Variants in SSX2IP observed in about 807,000 individuals in gnomAD.
The protein encoded by SSX2IP is afadin- and alpha-actinin-binding protein.
SSX2IP carries 55 observed loss-of-function variants against 84.9 expected under a neutral mutation model. That is an observed-to-expected ratio of 0.65 (90% CI 0.52 to 0.81). The LOEUF is 0.81. SSX2IP is among the 30% of genes least tolerant of loss of function. SSX2IP has a pLI of 0.00. For missense variants in SSX2IP, 664 were observed against 705.2 expected (o/e 0.94, Z 0.66); for synonymous variants, 239 against 234.7 (o/e 1.02, Z -0.17).
intron 5 of SSX2IP, among the ~76,000 whole-genome samples, chr1:84,665,126 C>G (rs780665454): frequency 6.6e-6 from 1 of 152,160 alleles, no homozygotes; most frequent in Non-Finnish European, 1.5e-5. Context: ...TCAGGCAACT[C>G]CTGACAGAGT....
In SSX2IP at chr1:84,658,331, C is replaced by T. The variant is rs1651427860; in HGVS notation, c.1065G>A (p.Lys355=). Residue 355 remains lysine (K), a synonymous_variant, in exon 9 of 14, where the codon AAG becomes AAA. Coordinates refer to ENST00000342203, the MANE Select transcript of SSX2IP (RefSeq NM_001166293.2). ...QWRILKSHVE[K]LDNQVSKVHL... ...AGCAGTGGTTACCTTGGTTATCAAG[C>T]TTTTCTACATGACTTTTCAAAATTC... The T allele has an allele frequency of 6.2e-7, 1 of 1,613,914 alleles. No individual in the cohort carries two copies. Among genetic ancestry groups the T allele is most frequent in the East Asian group, 2.2e-5 (1 of 44,876 alleles).
rs745981359 is a variant in SSX2IP, at chr1:84,656,488, A to G, written c.1079-4T>C. On this transcript the variant is annotated splice_region_variant and splice_polypyrimidine_tract_variant and intron_variant, in intron 9 of 13. Transcript: ENST00000342203. ...CCTTCCAGGTGTACCTTTGAAACTA[A>G]GACAAAATCAGTAAGTTGACATAGG... 2 of 1,609,766 alleles carry G rather than the reference A, an allele frequency of 1.2e-6. No individual in the cohort carries two copies. The highest frequency in any genetic ancestry group is 1.7e-6 in the Non-Finnish European group (2 of 1,178,296).
chr1:84,646,401 T>C lies in SSX2IP; in HGVS notation c.*1032A>G, dbSNP rs1489389102. On this transcript the variant is annotated 3_prime_UTR_variant, in exon 14 of 14. Transcript: ENST00000342203. ...TCTCAATTATAAAATTTGATGGTTT[T>C]ATATTATCATATTTCTTCAGTGGTA... 1 of 152,634 alleles carries C rather than the reference T, an allele frequency of 6.6e-6. No homozygotes were observed. Among genetic ancestry groups the C allele is most frequent in the East Asian group, 1.9e-4 (1 of 5,200 alleles). 9.5% of individuals were successfully genotyped at this position (152,634 alleles called of 1,614,324 possible).
At chr1:84,669,594 AC>A (rs1653245736) in intron 4 of SSX2IP, 86 bp downstream of exon 4, 1 of 1,137,514 alleles carries the variant, frequency 8.8e-7, no homozygotes, top group Admixed American at 2.2e-5. Flanking sequence ...GCTTAAGAAA[AC>A]CCTGAAATAT....
intron 8 of SSX2IP, among the ~76,000 whole-genome samples, chr1:84,660,895 C>CAAAAAAAAAAAAA (rs11362631): frequency 1.0e-5 from 1 of 98,046 alleles, no homozygotes; most frequent in Non-Finnish European, 1.9e-5. Flanking sequence ...TACTAAAATA[C>CAAAAAAAAAAAAA]AAAAAAAAAA....
In SSX2IP at chr1:84,655,950, T is replaced by A; in HGVS notation, c.1271A>T (p.Tyr424Phe). The A allele has an allele frequency of 6.2e-7, 1 of 1,613,742 alleles. No homozygotes were observed. The highest frequency in any genetic ancestry group is 8.5e-7 in the Non-Finnish European group (1 of 1,179,910). ...GAGACGTTCCTTTTCTTCCAACAAA[T>A]AACAGTCTCGTAATAGTGAAGTGGT... ...DDTTSLLRDCYLLEEKERLKE... is the reference protein window; with the variant it reads ...DDTTSLLRDCFLLEEKERLKE... The change falls in exon 11 of 14, where the codon TAT becomes TTT. Residue 424 changes from tyrosine to phenylalanine, a missense_variant. Coordinates refer to ENST00000342203, the MANE Select transcript of SSX2IP (RefSeq NM_001166293.2).
intron 1 of SSX2IP, among the ~76,000 whole-genome samples, chr1:84,689,603 A>G (rs1656295267): frequency 6.6e-6 from 1 of 152,240 alleles, no homozygotes; most frequent in Non-Finnish European, 1.5e-5. Flanking sequence ...AAACTGGGTA[A>G]TAATCTAAAA....
At chr1:84,648,580 C>G (rs527243721) in intron 13 of SSX2IP, among the ~76,000 whole-genome samples, 1 of 152,078 alleles carries the variant, frequency 6.6e-6, no homozygotes, top group East Asian at 1.9e-4. Flanking sequence ...TATTTCACAA[C>G]TAAAAATGAT....
chr1:84,644,952 T>A lies in SSX2IP; in HGVS notation c.*2481A>T, dbSNP rs1022570435. The A allele has an allele frequency of 5.3e-5, 8 of 152,266 alleles. No homozygotes were observed. The highest frequency in any genetic ancestry group is 1.0e-4 in the Non-Finnish European group (7 of 68,044). The allele number at this position is 152,266 out of a possible 1,614,324, so 9.4% of individuals were successfully genotyped here. ...GTCATAATTTCATTGTTTCTCATCA[T>A]AGACTGCAGATGCAAACATTTAATG... is the stretch of plus-strand genomic sequence containing the variant. On this transcript the variant is annotated 3_prime_UTR_variant, in exon 14 of 14. Transcript: ENST00000342203.
chr1:84,666,255 T>C (rs1652762177), intron 4 of SSX2IP, 23 bp from the exon 5 acceptor site: 1 of 1,574,468 alleles, frequency 6.4e-7, no homozygotes, highest in Non-Finnish European at 8.7e-7. Context: ...TAAGCAATTT[T>C]GCTTAAAATT....
At chr1:84,673,180 T>C (rs1471522278) in intron 1 of SSX2IP, among the ~76,000 whole-genome samples, 1 of 152,066 alleles carries the variant, frequency 6.6e-6, no homozygotes, top group Non-Finnish European at 1.5e-5. Context: ...AGCAACAACT[T>C]AACAGAGTGA....
intron 1 of SSX2IP, among the ~76,000 whole-genome samples, chr1:84,672,272 T>A (rs1570677209): frequency 6.6e-6 from 1 of 152,134 alleles, no homozygotes; most frequent in South Asian, 2.1e-4. Flanking sequence ...ATGTCAATAC[T>A]GTGGACAGCT....
chr1:84,647,650 T>G, intron 13 of SSX2IP, 43 bp from the exon 14 acceptor site: 1 of 1,434,156 alleles, frequency 7.0e-7, no homozygotes, highest in African/African-American at 1.4e-5. Context: ...TATCCTCTCC[T>G]TCTTTTGTAC....
intron 11 of SSX2IP, chr1:84,652,236 A>G (rs1650356125): frequency 2.6e-6 from 1 of 379,986 alleles, no homozygotes; most frequent in Non-Finnish European, 4.9e-6. Flanking sequence ...CAGCCTAGGC[A>G]ACACGGCAAA....
intron 2 of SSX2IP, 65 bp downstream of exon 2, chr1:84,671,112 A>G: frequency 6.4e-7 from 1 of 1,556,160 alleles, no homozygotes; most frequent in Non-Finnish European, 8.7e-7. Context: ...ATTATTTTAT[A>G]TTTTCATTGA....
rs1410753991 is a variant in SSX2IP at position 84,644,900 on chromosome 1, T to TA, written c.*2532dup. On this transcript the variant is annotated 3_prime_UTR_variant, in exon 14 of 14. Coordinates refer to ENST00000342203, the MANE Select transcript of SSX2IP (RefSeq NM_001166293.2). ...CTAATCATTTAATACATTGCTTCTA[T>TA]AAGAAAATACTATTTGTTAAATTTT... 2 of 152,366 alleles carry TA rather than the reference T, an allele frequency of 1.3e-5. No individual in the cohort carries two copies. The highest frequency in any genetic ancestry group is 2.9e-5 in the Non-Finnish European group (2 of 68,032). 9.4% of individuals were successfully genotyped at this position (152,366 alleles called of 1,614,324 possible). A position where few individuals can be genotyped will look rare whatever the true frequency, so the allele number is the denominator to read the frequency against.
At chr1:84,669,289 T>A (rs914349694) in intron 4 of SSX2IP, among the ~76,000 whole-genome samples, 1 of 152,130 alleles carries the variant, frequency 6.6e-6, no homozygotes, top group Non-Finnish European at 1.5e-5. Context: ...CCTTAGCTCA[T>A]TTGGCATCAC....
Position 84,669,228 on chromosome 1 carries a change from A to G in SSX2IP, c.426+453T>C, listed in dbSNP as rs190657082. On this transcript the variant is annotated intron_variant, in intron 4 of 13. Coordinates refer to ENST00000342203, the MANE Select transcript of SSX2IP (RefSeq NM_001166293.2). The stretch of plus-strand genomic sequence containing the variant: ...AAAGCATTTTTCTATAGTCTTTTCC[A>G]GAGACCCAGGGCTTCTAAGGGAAGT... Among the ~76,000 whole-genome samples, 32 of 152,112 alleles carry G rather than the reference A, an allele frequency of 2.1e-4. No individual in the cohort carries two copies. The East Asian group carries it at 6.0e-3, about 28-fold the overall frequency.
At chr1:84,689,545 T>C (rs1656285153) in intron 1 of SSX2IP, among the ~76,000 whole-genome samples, 1 of 152,224 alleles carries the variant, frequency 6.6e-6, no homozygotes, top group African/African-American at 2.4e-5. Context: ...AAGAACTTTA[T>C]CAGCGTTGCT....
Sources: allele counts gnomAD v4.1 joint callset (sites outside exome capture counted in the v4.1 genomes callset), GRCh38; gene constraint gnomAD v4.1.1; transcripts MANE v1.5; gene names NCBI Gene and HGNC (gene_info 2026-07-23, HGNC 2026-07-21).